LIFR: variants seen among roughly 807,000 people sequenced by gnomAD.
LIFR encodes LIF receptor subunit alpha, also known as leukemia inhibitory factor receptor.
In LIFR, 84 loss-of-function variants were observed where a neutral mutation model predicts 122.2. The ratio of observed to expected loss-of-function variants is 0.69; its 90% CI spans 0.58 to 0.82. The LOEUF (loss-of-function observed/expected upper bound fraction) is 0.82. Among genes scored for constraint, LIFR ranks in the 40% least tolerant of loss-of-function variants. The pLI is 0.00. For missense variants in LIFR, 1,294 were observed against 1,311.6 expected (o/e 0.99, Z 0.21); for synonymous variants, 422 against 434.7 (o/e 0.97, Z 0.36).
At chr5:38,514,418 C>A (rs1745966402) in intron 5 of LIFR, among the ~76,000 whole-genome samples, 1 of 152,168 alleles carries the variant, frequency 6.6e-6, no homozygotes, top group South Asian at 2.1e-4. Context: ...CCCAGTTAAA[C>A]TAGTAATCAC....
At chr5:38,482,445 T>C in intron 19 of LIFR, 144 bp downstream of exon 19, 1 of 605,512 alleles carries the variant, frequency 1.7e-6, no homozygotes, top group Non-Finnish European at 2.8e-6. Flanking sequence ...AAATTAATAA[T>C]TTTAGAAACT....
At chr5:38,512,631 T>C (rs960892996) in intron 5 of LIFR, among the ~76,000 whole-genome samples, 2 of 151,832 alleles carry the variant, frequency 1.3e-5, no homozygotes, top group East Asian at 3.9e-4. Flanking sequence ...CAGAATGATA[T>C]CCTGTCTAAA....
At chr5:38,486,096 C>G in intron 16 of LIFR, 116 bp from the exon 17 acceptor site, 1 of 903,018 alleles carries the variant, frequency 1.1e-6, no homozygotes, top group Non-Finnish European at 1.8e-6. Flanking sequence ...GCCATCCCAG[C>G]CAAGGACTCT....
intron 1 of LIFR, among the ~76,000 whole-genome samples, chr5:38,542,462 G>C (rs756919925): frequency 1.2e-4 from 19 of 152,072 alleles, no homozygotes; most frequent in Non-Finnish European, 2.4e-4. Context: ...GTCGGGCCTA[G>C]TTGGGGCCTC....
intron 1 of LIFR, among the ~76,000 whole-genome samples, chr5:38,570,564 T>A (rs1342526799): frequency 1.3e-5 from 2 of 152,064 alleles, no homozygotes; most frequent in Non-Finnish European, 2.9e-5. Context: ...ACTTTCCCGG[T>A]GTTGCAAGAA....
intron 12 of LIFR, 24 bp from the exon 13 acceptor site, chr5:38,496,619 A>T: frequency 1.9e-6 from 3 of 1,546,100 alleles, no homozygotes; most frequent in Non-Finnish European, 2.7e-6. Context: ...ACAAATTGTT[A>T]TAAAACCCTG....
At position 38,479,920 on chromosome 5, in the gene LIFR, T is replaced by G. The variant is rs1036062050; in HGVS notation, c.*1675A>C. 4.4e-6 allele frequency: 1 copy of G among 224,998 alleles called. No individual in the cohort carries two copies. The highest frequency in any genetic ancestry group is 5.7e-5 in the Admixed American group (1 of 17,516). The allele number at this position is 224,998 out of a possible 1,614,324, so 13.9% of individuals were successfully genotyped here. ...GCATTTCATTCCAAATTTCCACAGATCATAAAGCTCAGAAATTTAGCTGAA... is the reference window on the plus strand; with the variant it reads ...GCATTTCATTCCAAATTTCCACAGAGCATAAAGCTCAGAAATTTAGCTGAA... On this transcript the variant is annotated 3_prime_UTR_variant, in exon 20 of 20. Transcript: ENST00000453190.
intron 17 of LIFR, among the ~76,000 whole-genome samples, 167 bp from the exon 18 acceptor site, chr5:38,485,035 A>G (rs1744208562): frequency 6.6e-6 from 1 of 152,226 alleles, no homozygotes; most frequent in Non-Finnish European, 1.5e-5. Context: ...AGGTATTGTG[A>G]TAATTTTTAT....
intron 9 of LIFR, among the ~76,000 whole-genome samples, chr5:38,504,468 A>C (rs1745354175): frequency 6.6e-6 from 1 of 152,082 alleles, no homozygotes; most frequent in Non-Finnish European, 1.5e-5. Context: ...AAGAATATAA[A>C]TGCCAAGTTC....
intron 5 of LIFR, 66 bp from the exon 6 acceptor site, chr5:38,512,030 T>G: frequency 1.3e-6 from 2 of 1,481,792 alleles, no homozygotes; most frequent in Non-Finnish European, 1.9e-6. Context: ...TCCTTTAGAA[T>G]TAAAAGACAC....
chr5:38,554,001 G>C (rs1216099437), intron 1 of LIFR, among the ~76,000 whole-genome samples: 1 of 151,956 alleles, frequency 6.6e-6, no homozygotes, highest in South Asian at 2.1e-4. Context: ...TAAGATACTG[G>C]TGATAATCTA....
intron 1 of LIFR, among the ~76,000 whole-genome samples, chr5:38,569,773 A>G (rs978153030): frequency 1.7e-4 from 26 of 152,132 alleles, no homozygotes; most frequent in Non-Finnish European, 3.1e-4. Flanking sequence ...TTTCCACTCT[A>G]TCTATTAAAA....
At position 38,478,178 on chromosome 5, in the gene LIFR, A is replaced by G; in HGVS notation, c.*3417T>C. ...TGTTAAATATGGACGGCATGAAGAC[A>G]ATTAAGAAACTATAGGACTTATTTC... is the stretch of plus-strand genomic sequence containing the variant. On this transcript the variant is annotated 3_prime_UTR_variant, in exon 20 of 20. Coordinates refer to ENST00000453190, the MANE Select transcript of LIFR (RefSeq NM_001127671.2). 4.8e-6 allele frequency: 1 copy of G among 208,972 alleles called. No individual in the cohort carries two copies. The highest frequency in any genetic ancestry group is 7.3e-5 in the East Asian group (1 of 13,712). 12.9% of individuals were successfully genotyped at this position (208,972 alleles called of 1,614,324 possible).
chr5:38,592,830 T>C (rs1749972052), intron 1 of LIFR, among the ~76,000 whole-genome samples: 1 of 152,182 alleles, frequency 6.6e-6, no homozygotes, highest in African/African-American at 2.4e-5. Context: ...TGGTAATAAA[T>C]GTGACGGACA....
chr5:38,541,188 G>C (rs1747571842), intron 1 of LIFR, among the ~76,000 whole-genome samples: 1 of 152,168 alleles, frequency 6.6e-6, no homozygotes, highest in Admixed American at 6.5e-5. Context: ...TTCTATGTAA[G>C]AGTGGAACAG....
intron 6 of LIFR, 66 bp downstream of exon 6, chr5:38,511,724 A>C: frequency 6.7e-7 from 1 of 1,502,076 alleles, no homozygotes; most frequent in Non-Finnish European, 9.3e-7. Flanking sequence ...GCTCAAACTA[A>C]ATCTTACTCT....
At chr5:38,595,727 CTTTTTTTTTT>C (rs70978897), upstream of LIFR, among the ~76,000 whole-genome samples, 132 of 91,984 alleles carry the variant, frequency 1.4e-3, 1 homozygote, top group African/African-American at 5.2e-3. Flanking sequence ...CACAATAGGT[CTTTTTTTTTT>C]TTTTTTTTTT....
At chr5:38,573,700 ATGAC>A (rs1489577504) in intron 1 of LIFR, among the ~76,000 whole-genome samples, 1 of 152,214 alleles carries the variant, frequency 6.6e-6, no homozygotes, top group Non-Finnish European at 1.5e-5. Context: ...ATATAAATGA[ATGAC>A]TGGATGAATA....
intron 1 of LIFR, among the ~76,000 whole-genome samples, chr5:38,547,823 A>G (rs1289439444): frequency 6.6e-6 from 1 of 152,194 alleles, no homozygotes; most frequent in Non-Finnish European, 1.5e-5. Context: ...CACCTAGGCT[A>G]TATGGTATAA....
Sources: allele counts gnomAD v4.1 joint callset (sites outside exome capture counted in the v4.1 genomes callset), GRCh38; gene constraint gnomAD v4.1.1; transcripts MANE v1.5; gene names NCBI Gene and HGNC (gene_info 2026-07-23, HGNC 2026-07-21).